RUNX3: variants seen among roughly 807,000 people sequenced by gnomAD.
RUNX3 encodes runt-related transcription factor 3.
In RUNX3, 10 loss-of-function variants were observed where a neutral mutation model predicts 27.7. That is an observed-to-expected ratio of 0.36 (90% CI 0.22 to 0.61). The LOEUF is 0.61. Among genes scored for constraint, RUNX3 ranks in the 20% least tolerant of loss-of-function variants. The pLI is 0.72. For missense variants in RUNX3, 469 were observed against 629.5 expected (o/e 0.75, Z 2.73); for synonymous variants, 270 against 269.2 (o/e 1.00, Z -0.03).
intron 2 of RUNX3, among the ~76,000 whole-genome samples, chr1:24,958,184 A>T (rs1475913428): frequency 6.6e-6 from 1 of 152,166 alleles, no homozygotes; most frequent in Non-Finnish European, 1.5e-5. Flanking sequence ...GTAGGGCCAC[A>T]GTTGCTCCTC....
intron 1 of RUNX3, chr1:24,928,972 C>A (rs1381629939): frequency 6.7e-6 from 3 of 447,034 alleles, no homozygotes; most frequent in Non-Finnish European, 1.3e-5. Flanking sequence ...TACTCCCTGG[C>A]ATAAAGAAAA....
rs1405269118 is a variant in RUNX3, at chr1:24,943,627, G to A, written c.59-13775C>T. ...GAGAGGACCCCCGAAGATCTCTGAG[G>A]CTAGTCCCCTTGTGTCGGAAAAACA... is the stretch of plus-strand genomic sequence containing the variant. On this transcript the variant is annotated intron_variant, in intron 2 of 6. Transcript: ENST00000338888. The surrounding 1 kb of genome is among the most constrained non-coding windows in gnomAD (Gnocchi z 4.6). 6.6e-6 allele frequency among the ~76,000 whole-genome samples: 1 copy of A among 152,186 alleles called. No homozygotes were observed. Among genetic ancestry groups the A allele is most frequent in the Admixed American group, 6.5e-5 (1 of 15,290 alleles).
intron 2 of RUNX3, among the ~76,000 whole-genome samples, chr1:24,920,089 G>A (rs939305661): frequency 2.0e-5 from 3 of 152,050 alleles, no homozygotes; most frequent in Non-Finnish European, 4.4e-5. Flanking sequence ...ACTGATTTGG[G>A]AGCTGCAGAC....
In RUNX3 at chr1:24,929,822, G is replaced by T. The variant is rs1193327322; in HGVS notation, c.47C>A (p.Pro16His). 1.4e-6 allele frequency: 2 copies of T among 1,405,010 alleles called. No individual in the cohort carries two copies. The highest frequency in any genetic ancestry group is 1.8e-6 in the Non-Finnish European group (2 of 1,090,138). The allele number at this position is 1,405,010 out of a possible 1,614,324, so 87.0% of individuals were successfully genotyped here. A position where few individuals can be genotyped will look rare whatever the true frequency, so the allele number is the denominator to read the frequency against. The change falls in exon 1 of 5, where the codon CCC (proline) becomes CAC (histidine). Residue 16 changes from proline to histidine, a missense_variant. Physicochemically the swap from Pro to His is moderately conservative, Grantham distance 77 (BLOSUM62 -2). This residue lies in a region of RUNX3 where 115 missense variants were observed against 118.0 expected (regional missense o/e 0.97). Coordinates refer to ENST00000308873, the MANE Select transcript of RUNX3 (RefSeq NM_004350.3). ...DPSTSRRFTP[P>H]SPAFPCGGGG... ...GCCGCCGCAGGGGAAGGCCGGGGAG[G>T]GAGGTGTGAAGCGGCGGCTGGTGCT...
intron 2 of RUNX3, among the ~76,000 whole-genome samples, chr1:24,952,762 T>A (rs1641799451): frequency 6.6e-6 from 1 of 152,194 alleles, no homozygotes; most frequent in African/African-American, 2.4e-5. Flanking sequence ...ATCATACAGA[T>A]GAGGAAATTG....
At chr1:24,935,392 C>T (rs966820913) in intron 2 of RUNX3, among the ~76,000 whole-genome samples, 1 of 152,192 alleles carries the variant, frequency 6.6e-6, no homozygotes, top group Admixed American at 6.5e-5. Context: ...CCCACCTCCT[C>T]TCCACCTCCC....
At chr1:24,907,897 C>CTAAACCTCTACAACACGCGGTGATG (rs1557837015) in intron 3 of RUNX3, among the ~76,000 whole-genome samples, 13 of 151,862 alleles carry the variant, frequency 8.6e-5, no homozygotes, top group African/African-American at 2.7e-4. Flanking sequence ...ACGCGGTGAT[C>CTAAACCTCTACAACACGCGGTGATG]TAAACCTCTA....
In RUNX3 at chr1:24,956,941, TG is replaced by T. The variant is rs565238213; in HGVS notation, c.58+7572del. The stretch of plus-strand genomic sequence containing the variant: ...AAAGGCCAAGGAATCAGGCAGACTG[TG>T]GACACTCAGGTGTGCATGATGGGAA... On this transcript the variant is annotated intron_variant, in intron 2 of 6. Transcript: ENST00000338888. Among the ~76,000 whole-genome samples, 358 of 152,308 alleles carry T rather than the reference TG, an allele frequency of 2.4e-3. 2 individuals carry two copies. Among genetic ancestry groups the T allele is most frequent in the African/African-American group, 8.3e-3 (345 of 41,562 alleles).
chr1:24,911,657 G>A (rs942787594), intron 3 of RUNX3, among the ~76,000 whole-genome samples: 5 of 152,254 alleles, frequency 3.3e-5, no homozygotes, highest in African/African-American at 1.2e-4. Flanking sequence ...GGATGCTGAA[G>A]TCGTGTGAGG....
upstream of RUNX3, among the ~76,000 whole-genome samples, chr1:24,934,285 G>A (rs1419106309): frequency 6.6e-6 from 1 of 152,238 alleles, no homozygotes; most frequent in Non-Finnish European, 1.5e-5. Context: ...AGAGAGTCCA[G>A]CTCTGGGGTC....
chr1:24,910,683 G>T (rs1184877846), intron 3 of RUNX3, among the ~76,000 whole-genome samples: 1 of 152,180 alleles, frequency 6.6e-6, no homozygotes, highest in Non-Finnish European at 1.5e-5. Flanking sequence ...GAGCCACAGG[G>T]GCTCAGCCAG....
At chr1:24,911,318 CCT>C (rs1436792237) in intron 3 of RUNX3, among the ~76,000 whole-genome samples, 2 of 152,214 alleles carry the variant, frequency 1.3e-5, no homozygotes, top group Non-Finnish European at 2.9e-5. Flanking sequence ...AATAAAGTCC[CCT>C]GTTTCTGAGT....
chr1:24,907,084 C>G (rs1161716654), intron 4 of RUNX3, among the ~76,000 whole-genome samples, 175 bp downstream of exon 4: 1 of 152,238 alleles, frequency 6.6e-6, no homozygotes, highest in Non-Finnish European at 1.5e-5. Context: ...GGCTAGCACA[C>G]AGAAAGCCCA....
At chr1:24,906,271 C>T (rs185753559) in intron 4 of RUNX3, among the ~76,000 whole-genome samples, 1 of 152,368 alleles carries the variant, frequency 6.6e-6, no homozygotes, top group East Asian at 1.9e-4. Context: ...GACTGTGGAC[C>T]TGGTCACAGA....
rs569825548 is a variant in RUNX3 at position 24,902,906 on chromosome 1, C to T, written c.704-240G>A. Among the ~76,000 whole-genome samples, 1 of 152,196 alleles carries T rather than the reference C, an allele frequency of 6.6e-6. No individual in the cohort carries two copies. Among genetic ancestry groups the T allele is most frequent in the African/African-American group, 2.4e-5 (1 of 41,462 alleles). ...CCAAGAGGGGCCATGGGAGCCCCCC[C>T]ACAGCAGCAACAGAACAGAGGAGGG... On this transcript the variant is annotated intron_variant, in intron 4 of 4. Transcript: ENST00000308873. The surrounding 1 kb of genome is among the most constrained non-coding windows in gnomAD (Gnocchi z 9.2).
At chr1:24,952,819 C>T (rs1216791995) in intron 2 of RUNX3, among the ~76,000 whole-genome samples, 3 of 152,166 alleles carry the variant, frequency 2.0e-5, no homozygotes, top group South Asian at 2.1e-4. Context: ...GTGGCAGATC[C>T]GGTAGACAAA....
chr1:24,937,357 A>T (rs1557851217), intron 2 of RUNX3, among the ~76,000 whole-genome samples: 1 of 152,222 alleles, frequency 6.6e-6, no homozygotes, highest in Non-Finnish European at 1.5e-5. Flanking sequence ...TGGGCCCCCC[A>T]AATTATATAG....
chr1:24,938,073 G>T (rs548258021), intron 2 of RUNX3, among the ~76,000 whole-genome samples: 14 of 152,332 alleles, frequency 9.2e-5, no homozygotes, highest in Admixed American at 2.6e-4. Flanking sequence ...CCAAATTCTT[G>T]ATGAAAGTTG....
intron 2 of RUNX3, among the ~76,000 whole-genome samples, chr1:24,949,862 A>C (rs1641713846): frequency 1.3e-5 from 2 of 152,180 alleles, no homozygotes; most frequent in South Asian, 4.1e-4. Flanking sequence ...GCATGGGGCC[A>C]CCCCAGGAGG....
Sources: allele counts gnomAD v4.1 joint callset (sites outside exome capture counted in the v4.1 genomes callset), GRCh38; gene constraint gnomAD v4.1.1; regional missense constraint gnomAD v4.1.1; non-coding constraint Gnocchi (gnomAD v3.1); transcripts MANE v1.5; gene names NCBI Gene and HGNC (gene_info 2026-07-23, HGNC 2026-07-21).